Variants in POT1 observed in about 807,000 individuals in gnomAD.
POT1 encodes protection of telomeres 1.
A neutral mutation model predicts 78.5 loss-of-function variants in POT1; 47 were observed. The observed-to-expected ratio is 0.60, with a 90% CI of 0.47 to 0.76. The LOEUF is 0.76. Among genes scored for constraint, POT1 ranks in the 30% least tolerant of loss-of-function variants. The probability of loss-of-function intolerance (pLI) is 0.00; values close to 1 mark genes in which losing one functional copy is unlikely to be tolerated. For synonymous variants in POT1, 259 were observed against 260.7 expected, an observed-to-expected ratio of 0.99 and a Z score of 0.06; for missense variants, 646 against 749.9, an observed-to-expected ratio of 0.86 and a Z score of 1.62.
chr7:124,848,620 G>C, intron 11 of POT1: 1 of 200,160 alleles, frequency 5.0e-6, no homozygotes, highest in Non-Finnish European at 1.1e-5. Context: ...CCGAGACCGT[G>C]CCACTGAACT....
chr7:124,835,965 C>T (rs1157263552), intron 14 of POT1, among the ~76,000 whole-genome samples: 1 of 152,086 alleles, frequency 6.6e-6, no homozygotes, highest in African/African-American at 2.4e-5. Context: ...AAGTATTGTC[C>T]AATGGCATCC....
intron 8 of POT1, among the ~76,000 whole-genome samples, chr7:124,861,917 T>A (rs1032300066): frequency 6.6e-6 from 1 of 152,166 alleles, no homozygotes; most frequent in Non-Finnish European, 1.5e-5. Context: ...TGATTGTAGA[T>A]GTGTGGCGTT....
At chr7:124,826,089 C>T (rs117626908) in intron 17 of POT1, among the ~76,000 whole-genome samples, 97 of 152,236 alleles carry the variant, frequency 6.4e-4, no homozygotes, top group Non-Finnish European at 1.1e-3. Flanking sequence ...AAGTTTGGAG[C>T]ATGTGGTATC....
chr7:124,872,817 A>C (rs1395054729), intron 6 of POT1, among the ~76,000 whole-genome samples: 2 of 152,220 alleles, frequency 1.3e-5, no homozygotes, highest in African/African-American at 4.8e-5. Context: ...TACCTGTGCC[A>C]CGTACAACGT....
intron 3 of POT1, chr7:124,900,908 G>A (rs190090384): frequency 9.3e-6 from 3 of 322,184 alleles, no homozygotes; most frequent in Non-Finnish European, 2.0e-5. Flanking sequence ...TGCTGGCACA[G>A]CAGTCCCAGA....
At chr7:124,866,988 T>A (rs1795742466) in intron 7 of POT1, among the ~76,000 whole-genome samples, 1 of 152,214 alleles carries the variant, frequency 6.6e-6, no homozygotes, top group South Asian at 2.1e-4. Flanking sequence ...GATTCTTGGT[T>A]CTGTGGTCAT....
chr7:124,894,960 G>A (rs1191002366), intron 5 of POT1, among the ~76,000 whole-genome samples: 1 of 151,556 alleles, frequency 6.6e-6, no homozygotes, highest in East Asian at 1.9e-4. Flanking sequence ...TGGTGCAAAA[G>A]GCACATGGCT....
chr7:124,841,227 T>C, intron 13 of POT1, 49 bp from the exon 14 acceptor site: 2 of 1,415,338 alleles, frequency 1.4e-6, no homozygotes, highest in Non-Finnish European at 9.9e-7. Flanking sequence ...GGTGTAAGCG[T>C]GAAGATTTCC....
At chr7:124,848,961 G>C (rs1241915374) in intron 11 of POT1, among the ~76,000 whole-genome samples, 1 of 152,052 alleles carries the variant, frequency 6.6e-6, no homozygotes, top group East Asian at 1.9e-4. Context: ...TAGCATTAAG[G>C]TTACAAAATG....
intron 7 of POT1, among the ~76,000 whole-genome samples, chr7:124,865,296 T>C (rs932355094): frequency 1.3e-5 from 2 of 152,164 alleles, no homozygotes; most frequent in Non-Finnish European, 2.9e-5. Context: ...TCTTTGCACA[T>C]ACCCTGCATA....
intron 3 of POT1, among the ~76,000 whole-genome samples, chr7:124,901,024 T>A (rs1370326937): frequency 6.6e-6 from 1 of 152,126 alleles, no homozygotes; most frequent in African/African-American, 2.4e-5. Context: ...TGGAGCCCAC[T>A]GCAGCTCAAG....
At chr7:124,825,734 CTA>C (rs957633872) in intron 17 of POT1, among the ~76,000 whole-genome samples, 4 of 152,112 alleles carry the variant, frequency 2.6e-5, no homozygotes, top group Non-Finnish European at 4.4e-5. Context: ...CTCTTCCCTA[CTA>C]TGTTATAAGT....
Position 124,893,296 on chromosome 7 carries a change from A to G in POT1, c.10-916T>C, listed in dbSNP as rs1796416625. 2.0e-5 allele frequency among the ~76,000 whole-genome samples: 3 copies of G among 151,358 alleles called. No individual in the cohort carries two copies. The South Asian group carries it at 6.2e-4, about 31-fold the overall frequency. ...CCATGCTATTATAGAGATTTTCCAT[A>G]GGCCTAAATTTTGACTCATAACTCA... On this transcript the variant is annotated intron_variant, in intron 5 of 18. Transcript: ENST00000357628.
chr7:124,861,121 C>T (rs1795585500), intron 8 of POT1, among the ~76,000 whole-genome samples: 1 of 152,148 alleles, frequency 6.6e-6, no homozygotes, highest in African/African-American at 2.4e-5. Flanking sequence ...GGTATATACC[C>T]AGTAATGGGA....
chr7:124,825,327 C>A lies in POT1; in HGVS notation c.1717G>T (p.Val573Phe). The A allele has an allele frequency of 6.2e-7, 1 of 1,608,822 alleles. No individual in the cohort carries two copies. The highest frequency in any genetic ancestry group is 8.5e-7 in the Non-Finnish European group (1 of 1,177,340). The change falls in exon 18 of 19, where the codon GTT becomes TTT. Residue 573 changes from valine to phenylalanine, a missense_variant. By Grantham distance (50) the Val-to-Phe change is conservative. Coordinates refer to ENST00000357628, the MANE Select transcript of POT1 (RefSeq NM_015450.3). ...TTCTGAAGGTCATCATCCATCAGAA[C>A]TTCTGATGCTGGAATCTGGAAGAAT... ...DKFFQIPASE[V>F]LMDDDLQKSV... is the part of the protein sequence containing the mutation.
chr7:124,887,939 T>C (rs1234704244), intron 6 of POT1, among the ~76,000 whole-genome samples: 3 of 152,112 alleles, frequency 2.0e-5, no homozygotes, highest in Non-Finnish European at 4.4e-5. Context: ...TACATTATCA[T>C]ATAGCAATTA....
At position 124,823,060 on chromosome 7, in the gene POT1, A is replaced by C. The variant is rs2116400259; in HGVS notation, c.*902T>G. ...TTTTACAAACTGTGTGAACTTAGTC[A>C]AGTCAGCTTATCAATCAAGCCTCAG... is the stretch of plus-strand genomic sequence containing the variant. On this transcript the variant is annotated 3_prime_UTR_variant, in exon 19 of 19. Transcript: ENST00000357628. The C allele has an allele frequency of 6.5e-6, 1 of 153,724 alleles. No homozygotes were observed. The highest frequency in any genetic ancestry group is 3.4e-3 in the Middle Eastern group (1 of 294). 9.5% of individuals were successfully genotyped at this position (153,724 alleles called of 1,614,324 possible).
chr7:124,918,321 T>C (rs935438690), intron 2 of POT1, among the ~76,000 whole-genome samples: 2 of 152,210 alleles, frequency 1.3e-5, no homozygotes, highest in African/African-American at 4.8e-5. Context: ...GCTGCCTGCC[T>C]ATCTATTAAT....
chr7:124,900,075 T>C (rs1796582323), intron 3 of POT1, among the ~76,000 whole-genome samples: 1 of 152,200 alleles, frequency 6.6e-6, no homozygotes, highest in Non-Finnish European at 1.5e-5. Context: ...CAGTTTTTTT[T>C]AATTGAAATG....
Sources: gnomAD v4.1 joint callset for allele counts (sites outside exome capture counted in the v4.1 genomes callset) on GRCh38, gnomAD v4.1.1 for gene constraint, MANE v1.5 for transcripts, NCBI Gene and HGNC (gene_info 2026-07-23, HGNC 2026-07-21) for gene names.